FRMD3: variants seen among roughly 807,000 people sequenced by gnomAD.
The protein encoded by FRMD3 is FERM domain containing 3, also known as FERM domain-containing protein 3.
FRMD3 carries 33 observed loss-of-function variants against 70.2 expected under a neutral mutation model. The observed-to-expected ratio is 0.47, with a 90% CI of 0.36 to 0.63. The LOEUF (loss-of-function observed/expected upper bound fraction) is 0.63. Ranked by LOEUF, FRMD3 falls within the 20% of genes least tolerant of loss-of-function variation. FRMD3 has a pLI of 0.00. For missense variants in FRMD3, 632 were observed against 711.4 expected (o/e 0.89, Z 1.27); for synonymous variants, 279 against 255.9 (o/e 1.09, Z -0.86).
chr9:83,276,733 G>C (rs911976054), intron 13 of FRMD3, among the ~76,000 whole-genome samples: 1 of 152,238 alleles, frequency 6.6e-6, no homozygotes, highest in Non-Finnish European at 1.5e-5. Context: ...TACTGAGACA[G>C]AGTTTCACTC....
intron 1 of FRMD3, among the ~76,000 whole-genome samples, chr9:83,416,785 C>CTCTCTCTT (rs1826467196): frequency 5.7e-5 from 5 of 87,098 alleles, no homozygotes; most frequent in Admixed American, 5.5e-4. Flanking sequence ...CTCTCTCTCT[C>CTCTCTCTT]TCACTCTCTC....
At chr9:83,269,467 G>C (rs905550713) in intron 13 of FRMD3, among the ~76,000 whole-genome samples, 7 of 152,022 alleles carry the variant, frequency 4.6e-5, no homozygotes, top group African/African-American at 1.7e-4. Context: ...TTATCTTTGG[G>C]AGGCCGAGGC....
intron 1 of FRMD3, among the ~76,000 whole-genome samples, chr9:83,446,310 C>T (rs1827460003): frequency 6.6e-6 from 1 of 152,172 alleles, no homozygotes; most frequent in Non-Finnish European, 1.5e-5. Flanking sequence ...TTTGGGTAAC[C>T]CTAACAGGTC....
chr9:83,577,510 A>C, the FRMD3 span, among the ~76,000 whole-genome samples: 93 of 152,148 alleles, frequency 6.1e-4, no homozygotes, highest in African/African-American at 2.2e-3. Flanking sequence ...CTATCTACAC[A>C]AAAATAAAGT....
Position 83,358,075 on chromosome 9 carries a change from T to C in FRMD3, c.296-8318A>G, listed in dbSNP as rs189179472. Among the ~76,000 whole-genome samples, 15 of 152,344 alleles carry C rather than the reference T, an allele frequency of 9.8e-5. No individual in the cohort carries two copies. The East Asian group carries it at 2.9e-3, about 29-fold the overall frequency. ...AATCTTAATGGTTTCAGGTCTTAGATTTAAGTCTTTGATCCATCTTGAGTT... is the reference window on the plus strand; with the variant it reads ...AATCTTAATGGTTTCAGGTCTTAGACTTAAGTCTTTGATCCATCTTGAGTT... On this transcript the variant is annotated intron_variant, in intron 3 of 13. Coordinates refer to ENST00000304195, the MANE Select transcript of FRMD3 (RefSeq NM_174938.6).
In FRMD3 at chr9:83,362,631, C is replaced by A. The variant is rs1351427803; in HGVS notation, c.295+10282G>T. Among the ~76,000 whole-genome samples the A allele has an allele frequency of 2.6e-5, 4 of 152,340 alleles. No homozygotes were observed. The South Asian group carries it at 8.3e-4, about 32-fold the overall frequency. On this transcript the variant is annotated intron_variant, in intron 3 of 13. Coordinates refer to ENST00000304195, the MANE Select transcript of FRMD3 (RefSeq NM_174938.6). ...CTGTGCTAATCAGGCCTCAGACAGG[C>A]ACCAGCCAGGATTAAGTGGAGAGCT...
intron 1 of FRMD3, among the ~76,000 whole-genome samples, chr9:83,491,875 T>C (rs558801678): frequency 3.3e-5 from 5 of 152,280 alleles, no homozygotes; most frequent in Admixed American, 6.5e-5. Context: ...AAATTCAGGA[T>C]AGCAAGTAAC....
At chr9:83,260,734 T>A (rs1832946966) in intron 13 of FRMD3, among the ~76,000 whole-genome samples, 1 of 152,166 alleles carries the variant, frequency 6.6e-6, no homozygotes, top group South Asian at 2.1e-4. Flanking sequence ...ATTACTATAC[T>A]CTCTACATGT....
At chr9:83,350,470 A>AG (rs1246702934) in intron 3 of FRMD3, among the ~76,000 whole-genome samples, 1 of 151,724 alleles carries the variant, frequency 6.6e-6, no homozygotes, top group Non-Finnish European at 1.5e-5. Flanking sequence ...CAAAAAAAAA[A>AG]AAATTAGCTG....
chr9:83,376,450 A>G (rs898097513), intron 2 of FRMD3, among the ~76,000 whole-genome samples: 15 of 152,204 alleles, frequency 9.9e-5, no homozygotes, highest in African/African-American at 3.6e-4. Flanking sequence ...TGTGGGATAC[A>G]AAAAGTGAAC....
intron 3 of FRMD3, among the ~76,000 whole-genome samples, chr9:83,353,955 C>T (rs1824252742): frequency 6.6e-6 from 1 of 151,802 alleles, no homozygotes; most frequent in African/African-American, 2.4e-5. Context: ...CAGAGTTTGG[C>T]TCTTGTTGCC....
chr9:83,479,406 G>C (rs1280686196), intron 1 of FRMD3, among the ~76,000 whole-genome samples: 1 of 117,230 alleles, frequency 8.5e-6, no homozygotes, highest in African/African-American at 3.3e-5. Flanking sequence ...AAAGGAGGGA[G>C]GGAGGGAAGG....
At chr9:83,494,310 T>A (rs1444996511) in intron 1 of FRMD3, among the ~76,000 whole-genome samples, 2 of 152,228 alleles carry the variant, frequency 1.3e-5, no homozygotes, top group Non-Finnish European at 2.9e-5. Flanking sequence ...AGCAAAATAT[T>A]CTAAGATAGT....
chr9:83,428,307 G>A (rs1187648089), intron 1 of FRMD3, among the ~76,000 whole-genome samples: 1 of 149,834 alleles, frequency 6.7e-6, no homozygotes, highest in Non-Finnish European at 1.5e-5. Flanking sequence ...GAACCCGGGA[G>A]GCAGAAGTTG....
chr9:83,353,328 T>C (rs188191901), intron 3 of FRMD3, among the ~76,000 whole-genome samples: 33 of 152,290 alleles, frequency 2.2e-4, no homozygotes, highest in Admixed American at 2.0e-3. Flanking sequence ...CTTAAGGTTC[T>C]ATTAATAGAT....
At chr9:83,265,189 A>G (rs1033750016) in intron 13 of FRMD3, among the ~76,000 whole-genome samples, 2 of 152,160 alleles carry the variant, frequency 1.3e-5, no homozygotes, top group African/African-American at 4.8e-5. Context: ...TCACGAGGTC[A>G]GGAGATTGGG....
At chr9:83,250,735 TG>T (rs774625422) in intron 13 of FRMD3, among the ~76,000 whole-genome samples, 2 of 152,232 alleles carry the variant, frequency 1.3e-5, no homozygotes, top group Non-Finnish European at 2.9e-5. Context: ...ACAGCTGTCT[TG>T]CCAGATTGTG....
At chr9:83,441,365 G>A (rs1348261622) in intron 1 of FRMD3, among the ~76,000 whole-genome samples, 1 of 152,154 alleles carries the variant, frequency 6.6e-6, no homozygotes, top group African/African-American at 2.4e-5. Flanking sequence ...TTCACCAGTC[G>A]AGGATCCTGA....
chr9:83,271,785 T>C (rs888480243), intron 13 of FRMD3, among the ~76,000 whole-genome samples: 2 of 151,962 alleles, frequency 1.3e-5, no homozygotes, highest in Non-Finnish European at 2.9e-5. Context: ...CCTTGTAGAG[T>C]CTGGGGAAAG....
Sources: gnomAD v4.1 joint callset for allele counts (sites outside exome capture counted in the v4.1 genomes callset) on GRCh38, gnomAD v4.1.1 for gene constraint, MANE v1.5 for transcripts, NCBI Gene and HGNC (gene_info 2026-07-23, HGNC 2026-07-21) for gene names.